Variants in TRDN observed in about 807,000 individuals in gnomAD.
TRDN encodes triadin in skeletal muscle.
Under a neutral mutation model 149.7 loss-of-function variants are expected in TRDN, and 161 were observed. The ratio of observed to expected loss-of-function variants is 1.08; its 90% confidence interval spans 0.95 to 1.23. TRDN has a LOEUF of 1.23. TRDN is among the 50% of genes most tolerant of loss of function. The pLI is 0.00. For synonymous variants in TRDN, 294 were observed against 250.5 expected, an observed-to-expected ratio of 1.17 and a Z score of -1.64; for missense variants, 896 against 823.5, an observed-to-expected ratio of 1.09 and a Z score of -1.08.
At position 123,375,656 on chromosome 6, in the gene TRDN, G is replaced by A. The variant is rs1444822717; in HGVS notation, c.1247-25C>T. On this transcript the variant is annotated intron_variant, in intron 18 of 40. Transcript: ENST00000334268. ...ACTGTTAATGACAAGAAATAATAAG[G>A]TCAACAGTAATTACAAATCTGCTTA... 4.0e-6 allele frequency: 6 copies of A among 1,504,768 alleles called. No individual in the cohort carries two copies. The African/African-American group carries it at 7.1e-5, about 18-fold the overall frequency. 93.2% of individuals were successfully genotyped at this position (1,504,768 alleles called of 1,614,324 possible).
At chr6:123,304,603 G>A (rs888234128) in intron 24 of TRDN, among the ~76,000 whole-genome samples, 1 of 151,858 alleles carries the variant, frequency 6.6e-6, no homozygotes, top group Non-Finnish European at 1.5e-5. Context: ...ACTTATGCAA[G>A]TTTTTTTTAT....
intron 1 of TRDN, among the ~76,000 whole-genome samples, chr6:123,582,173 A>C (rs1222223042): frequency 6.6e-6 from 1 of 152,160 alleles, no homozygotes; most frequent in African/African-American, 2.4e-5. Flanking sequence ...GACAACTCGA[A>C]ATGGGGGGCA....
At chr6:123,270,328 C>T (rs1331184149) in intron 30 of TRDN, among the ~76,000 whole-genome samples, 1 of 151,900 alleles carries the variant, frequency 6.6e-6, no homozygotes, top group African/African-American at 2.4e-5. Flanking sequence ...TCTATAATTT[C>T]TAGGAATAAT....
intron 24 of TRDN, among the ~76,000 whole-genome samples, chr6:123,310,846 A>G (rs1778790555): frequency 6.6e-6 from 1 of 151,972 alleles, no homozygotes. Flanking sequence ...AAGGACATTC[A>G]TTAGTAAGAA....
At chr6:123,457,091 AT>A (rs1299924441) in intron 10 of TRDN, among the ~76,000 whole-genome samples, 2 of 152,226 alleles carry the variant, frequency 1.3e-5, no homozygotes, top group African/African-American at 2.4e-5. Context: ...ATTCGCTCAA[AT>A]TCACAAACTG....
intron 1 of TRDN, among the ~76,000 whole-genome samples, chr6:123,571,868 A>C (rs1217151087): frequency 6.6e-6 from 1 of 152,086 alleles, no homozygotes; most frequent in Non-Finnish European, 1.5e-5. Flanking sequence ...AAGTGGCTTC[A>C]TGACATGTAA....
chr6:123,422,999 T>C (rs1773974122), intron 12 of TRDN, among the ~76,000 whole-genome samples: 1 of 152,172 alleles, frequency 6.6e-6, no homozygotes, highest in Non-Finnish European at 1.5e-5. Context: ...GTGGATTTTT[T>C]CTAACTATAA....
At chr6:123,280,015 A>T (rs368190740) in intron 24 of TRDN, among the ~76,000 whole-genome samples, 18 of 152,194 alleles carry the variant, frequency 1.2e-4, no homozygotes, top group African/African-American at 3.9e-4. Context: ...GTGATACTTT[A>T]GTGATGGGAA....
At chr6:123,345,644 T>C (rs1780219496) in intron 21 of TRDN, among the ~76,000 whole-genome samples, 1 of 152,092 alleles carries the variant, frequency 6.6e-6, no homozygotes, top group Non-Finnish European at 1.5e-5. Context: ...TAGCTCAATT[T>C]AGGAAGAATT....
intron 2 of TRDN, among the ~76,000 whole-genome samples, chr6:123,558,607 AAAATGTC>A (rs1465032528): frequency 6.6e-6 from 1 of 152,170 alleles, no homozygotes; most frequent in African/African-American, 2.4e-5. Flanking sequence ...CCTATACCCT[AAAATGTC>A]AAAAGGCCAT....
chr6:123,542,802 C>T (rs1051364330), intron 4 of TRDN, among the ~76,000 whole-genome samples: 1 of 151,116 alleles, frequency 6.6e-6, no homozygotes, highest in African/African-American at 2.4e-5. Context: ...TTTGGGTTTT[C>T]GCTCTCTCTC....
intron 1 of TRDN, among the ~76,000 whole-genome samples, chr6:123,624,845 T>C (rs1215114195): frequency 6.6e-6 from 1 of 152,030 alleles, no homozygotes; most frequent in Non-Finnish European, 1.5e-5. Context: ...GGGAGAACAC[T>C]CAGATGGGAT....
intron 12 of TRDN, among the ~76,000 whole-genome samples, chr6:123,436,856 A>G (rs1583018304): frequency 6.6e-6 from 1 of 152,230 alleles, no homozygotes; most frequent in East Asian, 1.9e-4. Context: ...CCCCATATAC[A>G]CAAGCCCTAG....
chr6:123,260,225 A>G (rs1776715742), intron 34 of TRDN, among the ~76,000 whole-genome samples: 1 of 152,138 alleles, frequency 6.6e-6, no homozygotes, highest in South Asian at 2.1e-4. Context: ...GGAAATAAGA[A>G]TTTGCCTGGC....
At chr6:123,547,396 C>T in intron 3 of TRDN, 24 bp from the exon 4 acceptor site, 1 of 1,364,826 alleles carries the variant, frequency 7.3e-7, no homozygotes, top group Non-Finnish European at 9.7e-7. Context: ...AAAAGAAAAA[C>T]AAAGTTAGAA....
chr6:123,243,700 A>AAAGAAAAATCAAGT (rs1776071875), intron 38 of TRDN, among the ~76,000 whole-genome samples: 1 of 152,154 alleles, frequency 6.6e-6, no homozygotes, highest in African/African-American at 2.4e-5. Flanking sequence ...AAAATCAAGT[A>AAAGAAAAATCAAGT]AAAGAAAGAA....
chr6:123,227,745 GTT>G (rs1554214767), intron 38 of TRDN, among the ~76,000 whole-genome samples: 1 of 69,990 alleles, frequency 1.4e-5, no homozygotes, highest in Non-Finnish European at 3.4e-5. Context: ...TTGTTTGTTT[GTT>G]TGTTTTTGTT....
chr6:123,367,054 G>C (rs1781129877), intron 19 of TRDN, among the ~76,000 whole-genome samples: 1 of 152,154 alleles, frequency 6.6e-6, no homozygotes, highest in South Asian at 2.1e-4. Flanking sequence ...ATGACAAAAA[G>C]TGGCCTTTTG....
chr6:123,369,708 A>G (rs1017518676), intron 19 of TRDN, among the ~76,000 whole-genome samples: 3 of 152,108 alleles, frequency 2.0e-5, no homozygotes, highest in Non-Finnish European at 2.9e-5. Context: ...CCACTACCAC[A>G]CCAGCACATA....
Sources: allele counts gnomAD v4.1 joint callset (sites outside exome capture counted in the v4.1 genomes callset), GRCh38; gene constraint gnomAD v4.1.1; transcripts MANE v1.5; gene names NCBI Gene and HGNC (gene_info 2026-07-23, HGNC 2026-07-21).